Variants in NTN1 observed in about 807,000 individuals in gnomAD.
NTN1 encodes the protein netrin 1.
In NTN1, 11 loss-of-function variants were observed where a neutral mutation model predicts 54.2. The observed-to-expected ratio is 0.20, with a 90% CI of 0.13 to 0.34. The LOEUF (loss-of-function observed/expected upper bound fraction) is 0.34, where lower values mean the gene tolerates loss of function less well. Among genes scored for constraint, NTN1 ranks in the 10% least tolerant of loss-of-function variants. The probability of loss-of-function intolerance (pLI) is 1.00; values close to 1 mark genes in which losing one functional copy is unlikely to be tolerated. For missense variants in NTN1, 740 were observed against 893.1 expected (o/e 0.83, Z 2.18); for synonymous variants, 371 against 382.0 (o/e 0.97, Z 0.33).
Position 9,212,387 on chromosome 17 carries a change from G to A in NTN1, c.1412-8781G>A, listed in dbSNP as rs552471526. Among the ~76,000 whole-genome samples the A allele has an allele frequency of 1.8e-4, 28 of 152,244 alleles. No homozygotes were observed. Among genetic ancestry groups the A allele is most frequent in the African/African-American group, 5.1e-4 (21 of 41,538 alleles). ...CCTTATGAAACCCACGGATGCCTGC[G>A]GCACCTTGAAAACCGAACACATGGA... On this transcript the variant is annotated intron_variant, in intron 5 of 6. Coordinates refer to ENST00000173229, the MANE Select transcript of NTN1 (RefSeq NM_004822.3). The surrounding 1 kb of genome is among the most constrained non-coding windows in gnomAD (Gnocchi z 5.5).
At chr17:9,005,336 CTAAT>C in the NTN1 span, among the ~76,000 whole-genome samples, 1 of 152,148 alleles carries the variant, frequency 6.6e-6, no homozygotes, top group Non-Finnish European at 1.5e-5. Flanking sequence ...TGTCACCCAG[CTAAT>C]TAGAGGGCTT....
intron 2 of NTN1, among the ~76,000 whole-genome samples, chr17:9,154,189 A>G (rs1252712290): frequency 6.6e-6 from 1 of 152,202 alleles, no homozygotes; most frequent in Non-Finnish European, 1.5e-5. Flanking sequence ...GTGAGACCAC[A>G]GCGGCAGCAG....
chr17:9,206,764 A>T (rs1904979107), intron 5 of NTN1, among the ~76,000 whole-genome samples: 1 of 152,204 alleles, frequency 6.6e-6, no homozygotes, highest in Admixed American at 6.5e-5. Context: ...AAGGCAGTGG[A>T]TTTAGGATCT....
In NTN1 at chr17:9,222,882, T is replaced by TTG. The variant is rs57722510; in HGVS notation, c.1486+1654_1486+1655dup. 8.9e-3 allele frequency among the ~76,000 whole-genome samples: 1,346 copies of TTG among 151,844 alleles called. 19 individuals are homozygous for TTG. Among genetic ancestry groups the TTG allele is most frequent in the African/African-American group, 0.029 (1,203 of 41,472 alleles). On this transcript the variant is annotated intron_variant, in intron 6 of 6. Coordinates refer to ENST00000173229, the MANE Select transcript of NTN1 (RefSeq NM_004822.3). ...AGAACTTCTAAAATGTTCTCGTTTA[T>TTG]TGTGTGTGTGTGTGTATGTGAGAGA...
intron 2 of NTN1, among the ~76,000 whole-genome samples, chr17:9,061,079 ACC>A (rs2091996655): frequency 6.6e-6 from 1 of 152,042 alleles, no homozygotes; most frequent in African/African-American, 2.4e-5. Context: ...TGGTTGAATC[ACC>A]TTAGGTTGTT....
chr17:9,157,888 A>G (rs1026032196), intron 2 of NTN1, among the ~76,000 whole-genome samples: 8 of 152,194 alleles, frequency 5.3e-5, no homozygotes, highest in Non-Finnish European at 1.2e-4. Context: ...CTAATACCCA[A>G]TATTTTTGCC....
At chr17:9,158,072 A>G (rs1273910656) in intron 2 of NTN1, among the ~76,000 whole-genome samples, 6 of 152,222 alleles carry the variant, frequency 3.9e-5, no homozygotes, top group Non-Finnish European at 8.8e-5. Flanking sequence ...AATAAAACAA[A>G]GAGAAAAGAA....
intron 3 of NTN1, among the ~76,000 whole-genome samples, chr17:9,169,974 T>C (rs2092383231): frequency 6.6e-6 from 1 of 152,164 alleles, no homozygotes; most frequent in Non-Finnish European, 1.5e-5. Flanking sequence ...AAGTTCTGGG[T>C]TTGGCCAGAG....
At chr17:9,112,219 G>A (rs182281415) in intron 2 of NTN1, among the ~76,000 whole-genome samples, 2 of 152,208 alleles carry the variant, frequency 1.3e-5, no homozygotes, top group African/African-American at 4.8e-5. Flanking sequence ...AACAGCTGCT[G>A]TAGATCCTGC....
upstream of NTN1, among the ~76,000 whole-genome samples, chr17:9,018,363 G>T (rs907647965): frequency 2.0e-5 from 3 of 152,070 alleles, no homozygotes; most frequent in Non-Finnish European, 4.4e-5. Context: ...TGGGCGCGGT[G>T]GCTCACTCCT....
chr17:9,149,615 A>G (rs2092322038), intron 2 of NTN1, among the ~76,000 whole-genome samples: 1 of 152,082 alleles, frequency 6.6e-6, no homozygotes, highest in South Asian at 2.1e-4. Flanking sequence ...CTCTTCTTCT[A>G]CAAGAGGGTA....
In NTN1 at chr17:9,243,714, C is replaced by G. The variant is rs925694231; in HGVS notation, c.*3746C>G. 2.6e-5 allele frequency: 4 copies of G among 152,274 alleles called. No homozygotes were observed. Among genetic ancestry groups the G allele is most frequent in the African/African-American group, 9.7e-5 (4 of 41,446 alleles). The allele number at this position is 152,274 out of a possible 1,614,324, so 9.4% of individuals were successfully genotyped here. ...GCACTTCCCCTCCTCCCTCTGCCCC[C>G]TCCTGTGTTTTGGATTTCTGTTCAC... On this transcript the variant is annotated 3_prime_UTR_variant, in exon 7 of 7. Transcript: ENST00000173229.
chr17:9,209,372 G>A (rs1215810520), intron 5 of NTN1, among the ~76,000 whole-genome samples: 1 of 152,238 alleles, frequency 6.6e-6, no homozygotes, highest in African/African-American at 2.4e-5. Flanking sequence ...AGACATTAGG[G>A]TTTGCTCTTG....
chr17:9,042,917 G>A lies in NTN1; in HGVS notation c.1018+19526G>A, dbSNP rs66756954. On this transcript the variant is annotated intron_variant, in intron 2 of 6. Transcript: ENST00000173229. ...TATTTTATGCTCTGGAATAGTTTAA[G>A]TAACATGAGAAATAGCTGGTCCTTG... 3.5e-3 allele frequency among the ~76,000 whole-genome samples: 532 copies of A among 152,230 alleles called. 4 individuals are homozygous for A. The highest frequency in any genetic ancestry group is 0.012 in the African/African-American group (510 of 41,540).
At chr17:9,059,368 A>C (rs1458210986) in intron 2 of NTN1, among the ~76,000 whole-genome samples, 1 of 152,246 alleles carries the variant, frequency 6.6e-6, no homozygotes, top group African/African-American at 2.4e-5. Context: ...TTGTATATGA[A>C]TGCTCATGGC....
intron 5 of NTN1, among the ~76,000 whole-genome samples, chr17:9,201,744 C>G (rs925419401): frequency 6.6e-6 from 1 of 152,130 alleles, no homozygotes; most frequent in Non-Finnish European, 1.5e-5. Flanking sequence ...GGCTGTGATT[C>G]TCTCACGCCA....
At chr17:9,191,623 A>G (rs1597529321) in intron 5 of NTN1, among the ~76,000 whole-genome samples, 2 of 152,218 alleles carry the variant, frequency 1.3e-5, no homozygotes, top group Non-Finnish European at 2.9e-5. Flanking sequence ...TCCTAATATG[A>G]AATCAGGCTA....
chr17:9,123,339 G>A (rs1345395026), intron 2 of NTN1, among the ~76,000 whole-genome samples: 1 of 152,196 alleles, frequency 6.6e-6, no homozygotes. Context: ...CTATGGGGGC[G>A]TTAATAAGTT....
At chr17:9,227,635 A>ACACATCAAACACACCAT (rs1567745831) in intron 6 of NTN1, among the ~76,000 whole-genome samples, 1 of 13,054 alleles carries the variant, frequency 7.7e-5, no homozygotes, top group Non-Finnish European at 1.4e-4. Context: ...TATCACGCAC[A>ACACATCAAACACACCAT]CACATCAAAC....
Sources: allele counts gnomAD v4.1 joint callset (sites outside exome capture counted in the v4.1 genomes callset), GRCh38; gene constraint gnomAD v4.1.1; non-coding constraint Gnocchi (gnomAD v3.1); transcripts MANE v1.5; gene names NCBI Gene and HGNC (gene_info 2026-07-23, HGNC 2026-07-21).